ARPC1A: variants seen among roughly 807,000 people sequenced by gnomAD.
ARPC1A encodes the protein actin related protein 2/3 complex subunit 1A.
A neutral mutation model predicts 46.9 loss-of-function variants in ARPC1A; 8 were observed. The ratio of observed to expected loss-of-function variants is 0.17; its 90% CI spans 0.10 to 0.31. The LOEUF (loss-of-function observed/expected upper bound fraction) is 0.31, where lower values mean the gene tolerates loss of function less well. Among genes scored for constraint, ARPC1A ranks in the 10% least tolerant of loss-of-function variants. The pLI, the probability that ARPC1A is intolerant of heterozygous loss-of-function variation, is 1.00. For missense variants in ARPC1A, 286 were observed against 483.6 expected, an observed-to-expected ratio of 0.59 and a Z score of 3.83; for synonymous variants, 152 against 169.0, an observed-to-expected ratio of 0.90 and a Z score of 0.78.
At chr7:99,335,291 G>A (rs1463729811) in intron 2 of ARPC1A, among the ~76,000 whole-genome samples, 1 of 152,066 alleles carries the variant, frequency 6.6e-6, no homozygotes, top group African/African-American at 2.4e-5. Flanking sequence ...CCACCACACC[G>A]GCCAAGATAA....
chr7:99,345,868 G>T (rs1317784194), intron 4 of ARPC1A, among the ~76,000 whole-genome samples: 1 of 152,082 alleles, frequency 6.6e-6, no homozygotes, highest in African/African-American at 2.4e-5. Flanking sequence ...TTGTAATTTA[G>T]TAAAACTTCA....
intron 3 of ARPC1A, among the ~76,000 whole-genome samples, chr7:99,344,026 G>A (rs768411413): frequency 3.3e-5 from 5 of 152,142 alleles, no homozygotes; most frequent in Admixed American, 2.6e-4. Context: ...GGAAAGAATG[G>A]CCCCGTTTAG....
At chr7:99,338,703 C>T (rs186294215) in intron 3 of ARPC1A, among the ~76,000 whole-genome samples, 2 of 152,018 alleles carry the variant, frequency 1.3e-5, no homozygotes, top group Admixed American at 6.6e-5. Context: ...TAAAGTCATG[C>T]AGCACTTACT....
intron 9 of ARPC1A, among the ~76,000 whole-genome samples, 167 bp from the exon 10 acceptor site, chr7:99,365,724 G>T (rs1238041435): frequency 9.2e-5 from 14 of 152,184 alleles, no homozygotes. Flanking sequence ...CCCCGGCCTG[G>T]AGTGTCTCTG....
Position 99,359,548 on chromosome 7 carries a change from C to G in ARPC1A, c.793C>G (p.His265Asp). The G allele has an allele frequency of 6.2e-7, 1 of 1,613,948 alleles. No individual in the cohort carries two copies. Among genetic ancestry groups the G allele is most frequent in the Non-Finnish European group, 8.5e-7 (1 of 1,180,008 alleles). ...VSENSVVAAGHDCCPMLFNYD... is the reference protein window; with the variant it reads ...VSENSVVAAGDDCCPMLFNYD... ...GACTGACTGAGTCTTGTTTCAGGGC[C>G]ATGACTGCTGCCCAATGCTCTTTAA... The change falls in exon 8 of 10, where the codon CAT becomes GAT. Residue 265 changes from histidine (H) to aspartate (D), a missense_variant. Coordinates refer to ENST00000262942, the MANE Select transcript of ARPC1A (RefSeq NM_006409.4).
chr7:99,346,761 C>T (rs914420223), intron 4 of ARPC1A, among the ~76,000 whole-genome samples: 18 of 152,184 alleles, frequency 1.2e-4, no homozygotes, highest in African/African-American at 2.9e-4. Context: ...AGGCGGATCA[C>T]GAAGTCAAGA....
intron 2 of ARPC1A, among the ~76,000 whole-genome samples, chr7:99,334,382 A>T (rs1386342637): frequency 2.0e-5 from 3 of 151,826 alleles, no homozygotes; most frequent in African/African-American, 7.3e-5. Context: ...AAATAATAAC[A>T]ATAATAATTA....
At chr7:99,334,564 T>A (rs1793206890) in intron 2 of ARPC1A, among the ~76,000 whole-genome samples, 1 of 152,170 alleles carries the variant, frequency 6.6e-6, no homozygotes, top group Non-Finnish European at 1.5e-5. Context: ...AAAGCTTTAG[T>A]CCTTTTATGT....
intron 5 of ARPC1A, 148 bp from the exon 6 acceptor site, chr7:99,353,761 G>C: frequency 1.3e-6 from 1 of 760,460 alleles, no homozygotes; most frequent in Middle Eastern, 2.5e-4. Flanking sequence ...TTACAGGCTT[G>C]AGCCACCGTG....
chr7:99,343,508 A>G (rs1413731488), intron 3 of ARPC1A, among the ~76,000 whole-genome samples: 4 of 151,788 alleles, frequency 2.6e-5, no homozygotes, highest in South Asian at 2.1e-4. Flanking sequence ...TACCTCATCA[A>G]TAAGTGTTAA....
At position 99,348,902 on chromosome 7, in the gene ARPC1A, T is replaced by A; in HGVS notation, c.443T>A (p.Leu148Ter). The A allele has an allele frequency of 6.2e-7, 1 of 1,614,170 alleles. No homozygotes were observed. Among genetic ancestry groups the A allele is most frequent in the Non-Finnish European group, 8.5e-7 (1 of 1,180,014 alleles). ...KKPIRSTVLSLDWHPNNVLLA... is the reference protein window; with the variant it reads ...KKPIRSTVLS The stretch of plus-strand genomic sequence containing the variant: ...CCGATTCGCTCCACAGTCCTCAGCT[T>A]GGATTGGCATCCCAACAACGTTTTG... The change falls in exon 5 of 10, where the codon TTG (leucine) becomes TAG (stop). Residue 148 changes from leucine (L) to a stop codon, truncating the protein, a stop_gained. Transcript: ENST00000262942. LOFTEE classifies it high-confidence loss of function.
chr7:99,327,573 C>T (rs1450657797), intron 1 of ARPC1A, among the ~76,000 whole-genome samples: 2 of 151,692 alleles, frequency 1.3e-5, no homozygotes, highest in African/African-American at 2.4e-5. Flanking sequence ...CCTCCCACCT[C>T]GACCTCCCAA....
chr7:99,333,530 T>C (rs1793184609), intron 2 of ARPC1A, 113 bp downstream of exon 2: 1 of 880,626 alleles, frequency 1.1e-6, no homozygotes, highest in Non-Finnish European at 1.8e-6. Context: ...AACATACATC[T>C]ATTATATACA....
At chr7:99,331,652 C>T (rs1793145900) in intron 1 of ARPC1A, among the ~76,000 whole-genome samples, 1 of 152,120 alleles carries the variant, frequency 6.6e-6, no homozygotes, top group Admixed American at 6.5e-5. Context: ...GGCACAGTGG[C>T]TCACACCTGT....
At chr7:99,327,188 T>C (rs926726580) in intron 1 of ARPC1A, among the ~76,000 whole-genome samples, 1 of 151,658 alleles carries the variant, frequency 6.6e-6, no homozygotes, top group Non-Finnish European at 1.5e-5. Flanking sequence ...GGTTGTTGTC[T>C]TCCTTTTTTT....
intron 6 of ARPC1A, among the ~76,000 whole-genome samples, chr7:99,354,394 C>T (rs897976183): frequency 6.6e-6 from 1 of 150,830 alleles, no homozygotes; most frequent in Non-Finnish European, 1.5e-5. Flanking sequence ...TGGTGGTAGG[C>T]GCCTGTACTC....
At chr7:99,343,448 A>C (rs1793388619) in intron 3 of ARPC1A, among the ~76,000 whole-genome samples, 1 of 151,914 alleles carries the variant, frequency 6.6e-6, no homozygotes, top group South Asian at 2.1e-4. Flanking sequence ...CCTGGGCTGC[A>C]AGAGTGAAAC....
chr7:99,364,939 G>T (rs758062506), intron 9 of ARPC1A, among the ~76,000 whole-genome samples: 4 of 152,056 alleles, frequency 2.6e-5, no homozygotes, highest in Non-Finnish European at 5.9e-5. Context: ...GGAATCTAGG[G>T]GGATGCGTGG....
At chr7:99,344,920 CTTTTTTTT>C (rs1172071932) in intron 4 of ARPC1A, among the ~76,000 whole-genome samples, 31 of 20,104 alleles carry the variant, frequency 1.5e-3, no homozygotes, top group African/African-American at 6.3e-3. Flanking sequence ...TAACAATGTT[CTTTTTTTT>C]TTTTTTTTTT....
Sources: allele counts gnomAD v4.1 joint callset (sites outside exome capture counted in the v4.1 genomes callset), GRCh38; gene constraint gnomAD v4.1.1; transcripts MANE v1.5; gene names NCBI Gene and HGNC (gene_info 2026-07-23, HGNC 2026-07-21).